Variants in SIK3 observed in about 807,000 individuals in gnomAD.
The protein encoded by SIK3 is serine/threonine-protein kinase SIK3.
A neutral mutation model predicts 144.2 loss-of-function variants in SIK3; 28 were observed. The ratio of observed to expected loss-of-function variants is 0.19; its 90% CI spans 0.14 to 0.27. SIK3 has a LOEUF of 0.27. SIK3 is among the 10% of genes least tolerant of loss of function. SIK3 has a pLI of 1.00. For synonymous variants in SIK3, 686 were observed against 676.3 expected (o/e 1.01, Z -0.22); for missense variants, 1,319 against 1,776.0 (o/e 0.74, Z 4.62).
chr11:116,874,422 C>T (rs934984770), intron 11 of SIK3, among the ~76,000 whole-genome samples: 3 of 152,216 alleles, frequency 2.0e-5, no homozygotes, highest in Non-Finnish European at 4.4e-5. Flanking sequence ...GAAGTAGCAA[C>T]TGATTCACCA....
intron 21 of SIK3, among the ~76,000 whole-genome samples, chr11:116,852,709 G>A (rs1011522705): frequency 1.3e-5 from 2 of 152,136 alleles, no homozygotes; most frequent in African/African-American, 4.8e-5. Context: ...AAACAAACAA[G>A]GAAATTGATT....
At chr11:116,913,431 A>G (rs1441018467) in intron 4 of SIK3, among the ~76,000 whole-genome samples, 1 of 152,188 alleles carries the variant, frequency 6.6e-6, no homozygotes, top group Non-Finnish European at 1.5e-5. Flanking sequence ...CAGCTATTTT[A>G]AATGAAGTAA....
intron 1 of SIK3, among the ~76,000 whole-genome samples, chr11:116,969,703 C>T (rs1949701698): frequency 6.6e-6 from 1 of 152,164 alleles, no homozygotes; most frequent in Non-Finnish European, 1.5e-5. Flanking sequence ...TGATCATACA[C>T]AGCAGTAGAA....
chr11:116,965,672 T>C (rs1261174895), intron 1 of SIK3, among the ~76,000 whole-genome samples: 1 of 121,060 alleles, frequency 8.3e-6, no homozygotes, highest in East Asian at 2.1e-4. Flanking sequence ...GGCGGGCAGA[T>C]CACTTGAAGT....
At chr11:117,011,552 T>G (rs1951257341) in intron 1 of SIK3, among the ~76,000 whole-genome samples, 1 of 152,096 alleles carries the variant, frequency 6.6e-6, no homozygotes, top group African/African-American at 2.4e-5. Flanking sequence ...GAAATTCTGT[T>G]GAGATTGGTG....
At chr11:117,017,578 A>T (rs1253780140) in intron 1 of SIK3, among the ~76,000 whole-genome samples, 3 of 152,234 alleles carry the variant, frequency 2.0e-5, no homozygotes, top group African/African-American at 7.2e-5. Flanking sequence ...ACATTGAAAG[A>T]ATCAAAGTAC....
At chr11:117,094,846 T>C (rs139642068) in intron 1 of SIK3, among the ~76,000 whole-genome samples, 4 of 151,024 alleles carry the variant, frequency 2.6e-5, no homozygotes, top group Admixed American at 2.0e-4. Context: ...TCAAAGCAGG[T>C]AGGACAAAGA....
rs1249573287 is a variant in SIK3 at position 116,849,198 on chromosome 11, T to C, written c.3741A>G (p.Ala1247=). Residue 1247 remains alanine (A), a synonymous_variant, in exon 22 of 25, where the codon GCA becomes GCG. Transcript: ENST00000445177. This position sits in a 1 kb window ranked among gnomAD's most constrained non-coding sequence, Gnocchi z 4.2. ...TGTGGTGCTCATGGACGGAGGGGCGTGCTGGGTACCCGAGCCCATTGTGAT... is the reference window on the plus strand; with the variant it reads ...TGTGGTGCTCATGGACGGAGGGGCGCGCTGGGTACCCGAGCCCATTGTGAT... ...LPDHNGLGYP[A]RPSVHEHHRP... 6.2e-7 allele frequency: 1 copy of C among 1,614,148 alleles called. No individual in the cohort carries two copies. Among genetic ancestry groups the C allele is most frequent in the Non-Finnish European group, 8.5e-7 (1 of 1,180,004 alleles).
Position 116,849,486 on chromosome 11 carries a change from C to A in SIK3, c.3656-203G>T, listed in dbSNP as rs1942262237. Among the ~76,000 whole-genome samples, 1 of 152,184 alleles carries A rather than the reference C, an allele frequency of 6.6e-6. No individual in the cohort carries two copies. Among genetic ancestry groups the A allele is most frequent in the South Asian group, 2.1e-4 (1 of 4,826 alleles). On this transcript the variant is annotated intron_variant, in intron 21 of 24. Coordinates refer to ENST00000445177, the MANE Select transcript of SIK3 (RefSeq NM_001366686.3). This position sits in a 1 kb window ranked among gnomAD's most constrained non-coding sequence, Gnocchi z 4.2. ...ACGAGCTGTAGGGGAGGGGACCACA[C>A]CCTTAGGGAAAAAATTCCACGTAAC... is the stretch of plus-strand genomic sequence containing the variant.
intron 15 of SIK3, 77 bp from the exon 16 acceptor site, chr11:116,863,895 G>A: frequency 7.0e-7 from 1 of 1,433,112 alleles, no homozygotes; most frequent in Admixed American, 2.3e-5. Context: ...TGCTGTTCCA[G>A]ATGAACATAA....
intron 1 of SIK3, among the ~76,000 whole-genome samples, chr11:117,023,797 C>T (rs1295572761): frequency 6.6e-6 from 1 of 151,740 alleles, no homozygotes; most frequent in African/African-American, 2.4e-5. Context: ...CCACTTCAGC[C>T]TCTCAAGTAG....
intron 1 of SIK3, among the ~76,000 whole-genome samples, chr11:117,092,694 T>A (rs1955300439): frequency 6.6e-6 from 1 of 152,222 alleles, no homozygotes. Flanking sequence ...AGGGAAAGGT[T>A]CCATCTCTAT....
Position 116,946,895 on chromosome 11 carries a change from C to T in SIK3, c.454+7149G>A, listed in dbSNP as rs1211709517. 3.3e-5 allele frequency among the ~76,000 whole-genome samples: 5 copies of T among 152,008 alleles called. No homozygotes were observed. In the South Asian group the frequency reaches 1.0e-3, roughly 31 times the overall value. On this transcript the variant is annotated intron_variant, in intron 3 of 24. Transcript: ENST00000445177. ...CTTTGGGAGGCTGAGGCGGGCAGAT[C>T]ACAAGGTCAGGAGATCAAGACCATC...
At chr11:116,875,536 A>G (rs1434660065) in intron 9 of SIK3, 85 bp from the exon 10 acceptor site, 3 of 1,420,314 alleles carry the variant, frequency 2.1e-6, no homozygotes, top group Non-Finnish European at 2.9e-6. Context: ...TGATTGCTAA[A>G]GTCTATGTTT....
At chr11:116,909,721 A>G (rs1252166892) in intron 4 of SIK3, among the ~76,000 whole-genome samples, 1 of 152,198 alleles carries the variant, frequency 6.6e-6, no homozygotes, top group Admixed American at 6.5e-5. Flanking sequence ...CAGTGCTGAC[A>G]GGAAGAGAAA....
intron 4 of SIK3, among the ~76,000 whole-genome samples, chr11:116,914,797 G>T (rs1408933628): frequency 6.6e-6 from 1 of 152,112 alleles, no homozygotes; most frequent in Non-Finnish European, 1.5e-5. Context: ...AGAATGTAAA[G>T]AAATCAGTAC....
intron 1 of SIK3, among the ~76,000 whole-genome samples, chr11:117,024,815 C>A (rs1157317838): frequency 1.3e-5 from 2 of 151,788 alleles, no homozygotes; most frequent in Non-Finnish European, 2.9e-5. Context: ...GTGGGAGGAT[C>A]ACTTGAACCC....
chr11:117,078,604 T>C (rs1308978649), intron 1 of SIK3, among the ~76,000 whole-genome samples: 1 of 152,058 alleles, frequency 6.6e-6, no homozygotes, highest in African/African-American at 2.4e-5. Context: ...GGTTTCACCA[T>C]GTTGGCCAGA....
intron 1 of SIK3, among the ~76,000 whole-genome samples, chr11:116,989,970 T>C (rs894991371): frequency 3.1e-4 from 47 of 152,152 alleles, no homozygotes; most frequent in African/African-American, 7.2e-5. Flanking sequence ...TCTTTTATTA[T>C]ATAGGATCCA....
Sources: gnomAD v4.1 joint callset for allele counts (sites outside exome capture counted in the v4.1 genomes callset) on GRCh38, gnomAD v4.1.1 for gene constraint, Gnocchi (gnomAD v3.1) non-coding constraint, MANE v1.5 for transcripts, NCBI Gene and HGNC (gene_info 2026-07-23, HGNC 2026-07-21) for gene names.